TTC39B: variants seen among roughly 807,000 people sequenced by gnomAD.
The protein encoded by TTC39B is tetratricopeptide repeat protein 39B.
TTC39B carries 92 observed loss-of-function variants against 96.6 expected under a neutral mutation model. The ratio of observed to expected loss-of-function variants is 0.95; its 90% CI spans 0.80 to 1.13. The LOEUF is 1.13. Among genes scored for constraint, TTC39B ranks in the 50% most tolerant of loss-of-function variants. The pLI is 0.00. For synonymous variants in TTC39B, 367 were observed against 299.4 expected (o/e 1.23, Z -2.33); for missense variants, 955 against 809.3 (o/e 1.18, Z -2.18).
At chr9:15,255,584 G>A (rs1457667625) in intron 2 of TTC39B, among the ~76,000 whole-genome samples, 2 of 150,682 alleles carry the variant, frequency 1.3e-5, no homozygotes, top group African/African-American at 2.5e-5. Flanking sequence ...GGATGAAGGC[G>A]TCAGAAAAAA....
intron 2 of TTC39B, among the ~76,000 whole-genome samples, chr9:15,255,820 C>T (rs1368772319): frequency 6.6e-6 from 1 of 152,168 alleles, no homozygotes; most frequent in Non-Finnish European, 1.5e-5. Flanking sequence ...TGAACACAAT[C>T]AGCCACAGTC....
At position 15,306,945 on chromosome 9, in the gene TTC39B, C is replaced by G; in HGVS notation, c.240+139G>C. The G allele has an allele frequency of 7.8e-7, 1 of 1,289,128 alleles. No homozygotes were observed. The highest frequency in any genetic ancestry group is 1.1e-6 in the Non-Finnish European group (1 of 950,912). 79.9% of individuals were successfully genotyped at this position (1,289,128 alleles called of 1,614,324 possible). On this transcript the variant is annotated intron_variant, in intron 1 of 19. Coordinates refer to ENST00000512701, the Ensembl canonical transcript of TTC39B. The surrounding 1 kb of genome is among the most constrained non-coding windows in gnomAD (Gnocchi z 5.1). ...CAGACCTACCAAGGCCGGGCGCCCCCACCCGGCGCCCGCCAGCCCACCCCA... is the reference window on the plus strand; with the variant it reads ...CAGACCTACCAAGGCCGGGCGCCCCGACCCGGCGCCCGCCAGCCCACCCCA...
chr9:15,245,316 T>C (rs1338371865), intron 2 of TTC39B, among the ~76,000 whole-genome samples: 1 of 152,208 alleles, frequency 6.6e-6, no homozygotes, highest in Non-Finnish European at 1.5e-5. Context: ...TACAAATATC[T>C]ATTAGTAGGA....
intron 1 of TTC39B, among the ~76,000 whole-genome samples, chr9:15,299,905 G>C (rs1824523511): frequency 6.6e-6 from 1 of 152,198 alleles, no homozygotes; most frequent in African/African-American, 2.4e-5. Flanking sequence ...TGAAGGGAAG[G>C]AAGTGGGTAT....
At chr9:15,171,230 A>T (rs1388619490) in exon 20 of TTC39B, 2 of 136,394 alleles carry the variant, frequency 1.5e-5, no homozygotes, top group African/African-American at 5.7e-5. Context: ...AAGCAGCAGG[A>T]AATTTACTTC....
chr9:15,230,690 C>T (rs1253384368), intron 2 of TTC39B, among the ~76,000 whole-genome samples: 1 of 152,084 alleles, frequency 6.6e-6, no homozygotes, highest in Non-Finnish European at 1.5e-5. Flanking sequence ...CATTCATGTA[C>T]AAGTTCTTGG....
chr9:15,243,673 G>A (rs1248270231), intron 2 of TTC39B, among the ~76,000 whole-genome samples: 2 of 152,206 alleles, frequency 1.3e-5, no homozygotes, highest in Non-Finnish European at 2.9e-5. Context: ...GTTTTGGGAG[G>A]CTGAGGCAGG....
rs535275511 is a variant in TTC39B, at chr9:15,295,205, G to T, written c.240+11879C>A. The stretch of plus-strand genomic sequence containing the variant: ...GGTCAGCAAACTTCCTCCATAAAAG[G>T]CATATAAATATTTAGGCTGTGTGAG... On this transcript the variant is annotated intron_variant, in intron 1 of 19. Transcript: ENST00000512701. Among the ~76,000 whole-genome samples, 105 of 152,202 alleles carry T rather than the reference G, an allele frequency of 6.9e-4. 3 individuals are homozygous for T. Among genetic ancestry groups the T allele is most frequent in the Admixed American group, 5.9e-4 (9 of 15,288 alleles).
chr9:15,226,391 T>C (rs1325512117), intron 2 of TTC39B, among the ~76,000 whole-genome samples: 13 of 152,232 alleles, frequency 8.5e-5, no homozygotes, highest in Admixed American at 8.5e-4. Context: ...TACAGTATAA[T>C]GGATTACATA....
At chr9:15,182,479 C>T (rs746889822) in intron 16 of TTC39B, 64 bp from the exon 17 acceptor site, 6 of 1,102,270 alleles carry the variant, frequency 5.4e-6, no homozygotes, top group Non-Finnish European at 7.9e-6. Context: ...TTTATGATCC[C>T]CAAACAATGT....
Position 15,299,285 on chromosome 9 carries a change from G to A in TTC39B, c.240+7799C>T, listed in dbSNP as rs556075438. On this transcript the variant is annotated intron_variant, in intron 1 of 19. Coordinates refer to ENST00000512701, the Ensembl canonical transcript of TTC39B. ...ATACGTAGGCCCTATGTATATGACA[G>A]CATAATATCAGCAGTACCAAGGGGA... is the stretch of plus-strand genomic sequence containing the variant. Among the ~76,000 whole-genome samples the A allele has an allele frequency of 3.0e-4, 45 of 152,280 alleles. 1 individual carries two copies. In the South Asian group the frequency reaches 8.7e-3, roughly 29 times the overall value.
intron 11 of TTC39B, 79 bp from the exon 12 acceptor site, chr9:15,189,871 A>G: frequency 1.1e-5 from 10 of 950,958 alleles, no homozygotes; most frequent in Non-Finnish European, 1.7e-5. Flanking sequence ...TTTCATTAAC[A>G]TACAGTAAAG....
At chr9:15,304,860 T>C (rs922015221) in intron 1 of TTC39B, among the ~76,000 whole-genome samples, 5 of 152,092 alleles carry the variant, frequency 3.3e-5, no homozygotes, top group Non-Finnish European at 5.9e-5. Context: ...AGTACAGGGC[T>C]TGGCACCTAG....
chr9:15,279,892 C>CTTTT (rs1164750793), intron 1 of TTC39B, among the ~76,000 whole-genome samples: 248 of 101,742 alleles, frequency 2.4e-3, no homozygotes, highest in African/African-American at 4.3e-3. Flanking sequence ...TTTTTCTTTT[C>CTTTT]TTTTTTTTTT....
intron 7 of TTC39B, among the ~76,000 whole-genome samples, chr9:15,201,800 T>G (rs1024473612): frequency 6.6e-6 from 1 of 152,042 alleles, no homozygotes; most frequent in African/African-American, 2.4e-5. Context: ...CCAGTTTTGT[T>G]TGAAAAAGTA....
chr9:15,189,768 T>G (rs752634264), exon 12 of TTC39B: 1 of 1,612,844 alleles, frequency 6.2e-7, no homozygotes, highest in Non-Finnish European at 8.5e-7. Flanking sequence ...ACGCTCTGCT[T>G]CCGCAACATT....
In TTC39B at chr9:15,305,921, G is replaced by C. The variant is rs559389935; in HGVS notation, c.240+1163C>G. Among the ~76,000 whole-genome samples the C allele has an allele frequency of 1.5e-4, 23 of 152,116 alleles. No homozygotes were observed. In the East Asian group the frequency reaches 4.2e-3, roughly 28 times the overall value. ...TACAGTCTTGGGATCCTCAATGCAA[G>C]GGACAGGCTGTAAGCAAGGGTCTGG... On this transcript the variant is annotated intron_variant, in intron 1 of 19. Transcript: ENST00000512701.
chr9:15,204,308 C>T (rs1377274698), intron 6 of TTC39B, among the ~76,000 whole-genome samples: 1 of 151,978 alleles, frequency 6.6e-6, no homozygotes, highest in African/African-American at 2.4e-5. Flanking sequence ...GTGGGTGGAT[C>T]ACCTGAGGTC....
chr9:15,302,487 C>G (rs1262094862), intron 1 of TTC39B, among the ~76,000 whole-genome samples: 2 of 126,352 alleles, frequency 1.6e-5, no homozygotes, highest in East Asian at 5.1e-4. Context: ...TGTGGTGGCA[C>G]ATGCATCACG....
Sources: gnomAD v4.1 joint callset for allele counts (sites outside exome capture counted in the v4.1 genomes callset) on GRCh38, gnomAD v4.1.1 for gene constraint, Gnocchi (gnomAD v3.1) non-coding constraint, MANE v1.5 for transcripts, NCBI Gene and HGNC (gene_info 2026-07-23, HGNC 2026-07-21) for gene names.